Variants in ECHDC3 observed in about 807,000 individuals in gnomAD.
ECHDC3 encodes enoyl-CoA hydratase domain containing 3, also known as enoyl-CoA hydratase domain-containing protein 3, mitochondrial.
Under a neutral mutation model 17.9 loss-of-function variants are expected in ECHDC3, and 20 were observed. That is an observed-to-expected ratio of 1.12 (90% CI 0.79 to 1.63). The LOEUF is 1.63. Ranked by LOEUF, ECHDC3 falls within the 40% of genes most tolerant of loss-of-function variation. The pLI is 0.00. For missense variants in ECHDC3, 407 were observed against 357.7 expected, an observed-to-expected ratio of 1.14 and a Z score of -1.11; for synonymous variants, 177 against 149.7, an observed-to-expected ratio of 1.18 and a Z score of -1.33.
intron 3 of ECHDC3, among the ~76,000 whole-genome samples, chr10:11,754,000 C>T (rs2133791692): frequency 6.6e-6 from 1 of 152,150 alleles, no homozygotes; most frequent in African/African-American, 2.4e-5. Context: ...AGGCTGGTCT[C>T]AAACTCTTGA....
In ECHDC3 at chr10:11,763,098, T is replaced by C. The variant is rs1427807243; in HGVS notation, c.592-126T>C. The C allele has an allele frequency of 1.6e-6, 1 of 611,942 alleles. No homozygotes were observed. The highest frequency in any genetic ancestry group is 2.9e-6 in the Non-Finnish European group (1 of 340,424). 37.9% of individuals were successfully genotyped at this position (611,942 alleles called of 1,614,324 possible). On this transcript the variant is annotated intron_variant, in intron 4 of 4. Coordinates refer to ENST00000379215, the MANE Select transcript of ECHDC3 (RefSeq NM_024693.5). The surrounding 1 kb of genome is among the most constrained non-coding windows in gnomAD (Gnocchi z 4.9). ...TCCTCCCGGGCAGGAGTTAGGGCAC[T>C]GAAGACGTCAGGGCTGGCGGATGAC...
chr10:11,749,001 A>G (rs1023876640), intron 2 of ECHDC3, among the ~76,000 whole-genome samples: 1 of 152,194 alleles, frequency 6.6e-6, no homozygotes, highest in Non-Finnish European at 1.5e-5. Context: ...ATGATCCCTC[A>G]TCTGTAAAAT....
In ECHDC3 at chr10:11,755,352, C is replaced by T. The variant is rs1044970157; in HGVS notation, c.391-56C>T. The T allele has an allele frequency of 5.0e-6, 6 of 1,210,512 alleles. No homozygotes were observed. In the East Asian group the frequency reaches 7.4e-5, roughly 15 times the overall value. The allele number at this position is 1,210,512 out of a possible 1,614,324, so 75.0% of individuals were successfully genotyped here. A position where few individuals can be genotyped will look rare whatever the true frequency, so the allele number is the denominator to read the frequency against. On this transcript the variant is annotated intron_variant, in intron 3 of 4. Transcript: ENST00000379215. Reference sequence around the variant, plus strand: ...AAAAAAAAAAAAAAAAAGCAATAGGCGTTAATGTCGTGCCTCCCTCTGGGT... The same window carrying T: ...AAAAAAAAAAAAAAAAAGCAATAGGTGTTAATGTCGTGCCTCCCTCTGGGT...
At chr10:11,752,168 G>C (rs1391316463) in intron 3 of ECHDC3, 2 of 151,232 alleles carry the variant, frequency 1.3e-5, no homozygotes, top group Non-Finnish European at 2.9e-5. Flanking sequence ...CTGGATTACA[G>C]TGGCATGATC....
intron 3 of ECHDC3, among the ~76,000 whole-genome samples, chr10:11,750,086 G>A (rs999976891): frequency 3.9e-5 from 6 of 151,980 alleles, no homozygotes; most frequent in African/African-American, 7.3e-5. Context: ...ATGAGCCACC[G>A]TGCACAGCCT....
At chr10:11,749,306 T>G (rs1588462920) in intron 2 of ECHDC3, among the ~76,000 whole-genome samples, 189 bp from the exon 3 acceptor site, 1 of 152,228 alleles carries the variant, frequency 6.6e-6, no homozygotes, top group Non-Finnish European at 1.5e-5. Flanking sequence ...TCGCCTTGCA[T>G]TTTTCATCAC....
intron 3 of ECHDC3, among the ~76,000 whole-genome samples, chr10:11,753,835 C>T (rs1240741020): frequency 2.0e-5 from 3 of 152,060 alleles, no homozygotes; most frequent in South Asian, 2.1e-4. Flanking sequence ...AGTGCAATGG[C>T]GCGATCTCAG....
At position 11,755,558 on chromosome 10, in the gene ECHDC3, C is replaced by T. The variant is rs1832877605; in HGVS notation, c.541C>T (p.Leu181Phe). ...SFATPGVNVG[L>F]FCSTPGVALA... ...TGCCACTCCTGGGGTGAACGTCGGG[C>T]TCTTCTGTTCTACCCCTGGGGTTGC... is the stretch of plus-strand genomic sequence containing the variant. The change falls in exon 4 of 5, where the codon CTC (leucine) becomes TTC (phenylalanine). Residue 181 changes from leucine to phenylalanine, a missense_variant. Transcript: ENST00000379215. The T allele has an allele frequency of 7.4e-6, 12 of 1,613,918 alleles. No individual in the cohort carries two copies. Among genetic ancestry groups the T allele is most frequent in the Non-Finnish European group, 1.0e-5 (12 of 1,179,986 alleles).
At position 11,755,461 on chromosome 10, in the gene ECHDC3, C is replaced by CCTGG. The variant is rs761885193; in HGVS notation, c.446_449dup (p.Ala151GlyfsTer47). On this transcript the variant is annotated frameshift_variant, in exon 4 of 5. Coordinates refer to ENST00000379215, the MANE Select transcript of ECHDC3 (RefSeq NM_024693.5). LOFTEE classifies it high-confidence loss of function. ...TTCCCGTCATTGCCATGGTCAATGG[C>CCTGG]CTGGCCGCGGCTGCCGGCTGTCAAC... 120 of 1,613,892 alleles carry CCTGG rather than the reference C, an allele frequency of 7.4e-5. No homozygotes were observed. The highest frequency in any genetic ancestry group is 9.7e-5 in the Non-Finnish European group (115 of 1,180,006).
At chr10:11,759,097 T>TA (rs899305552) in intron 4 of ECHDC3, among the ~76,000 whole-genome samples, 1 of 152,194 alleles carries the variant, frequency 6.6e-6, no homozygotes, top group African/African-American at 2.4e-5. Flanking sequence ...CTCATGCCTG[T>TA]AATCCCAGCA....
chr10:11,752,585 T>G (rs143336217), intron 3 of ECHDC3, among the ~76,000 whole-genome samples: 4 of 152,300 alleles, frequency 2.6e-5, no homozygotes, highest in African/African-American at 9.6e-5. Flanking sequence ...TGAACCTGTT[T>G]TTCTAAATAA....
rs372377379 is a variant in ECHDC3, at chr10:11,747,484, A to G, written c.292+14A>G. ...TTATCATCTCGGGTATGTATCTGAT[A>G]TCTGTCCTTAGTATTCTGCAGTGCC... On this transcript the variant is annotated intron_variant, in intron 2 of 4. Transcript: ENST00000379215. 1.2e-6 allele frequency: 2 copies of G among 1,612,892 alleles called. No individual in the cohort carries two copies. The highest frequency in any genetic ancestry group is 1.7e-6 in the Non-Finnish European group (2 of 1,179,746).
rs1196350198 is a variant in ECHDC3, at chr10:11,763,172, CG to C, written c.592-47del. The C allele has an allele frequency of 7.3e-6, 5 of 687,704 alleles. No homozygotes were observed. The highest frequency in any genetic ancestry group is 6.9e-5 in the African/African-American group (4 of 57,568). The allele number at this position is 687,704 out of a possible 1,614,324, so 42.6% of individuals were successfully genotyped here. On this transcript the variant is annotated intron_variant, in intron 4 of 4. Transcript: ENST00000379215. The surrounding 1 kb of genome is among the most constrained non-coding windows in gnomAD (Gnocchi z 4.9). ...TTGAGCCGAGGCGGGACTCAGGTGG[CG>C]GGGGCGGGTCACAGGAGAGCACCTC...
At position 11,742,509 on chromosome 10, in the gene ECHDC3, T is replaced by C; in HGVS notation, c.-68T>C. 1 of 1,242,038 alleles carries C rather than the reference T, an allele frequency of 8.1e-7. No homozygotes were observed. The highest frequency in any genetic ancestry group is 1.0e-6 in the Non-Finnish European group (1 of 990,384). The allele number at this position is 1,242,038 out of a possible 1,614,324, so 76.9% of individuals were successfully genotyped here. On this transcript the variant is annotated 5_prime_UTR_variant, in exon 1 of 5. Transcript: ENST00000379215. ...CCCGGCCCTGCTCACAGCAGCGCCC[T>C]CGGAGCGCCCAGCACCTGCGGCCGG... is the stretch of plus-strand genomic sequence containing the variant.
intron 4 of ECHDC3, chr10:11,755,858 A>T: frequency 6.3e-6 from 3 of 473,418 alleles, no homozygotes; most frequent in South Asian, 6.2e-5. Flanking sequence ...CATTTCCATC[A>T]TGCGTACCCT....
chr10:11,758,294 C>T (rs1364248743), intron 4 of ECHDC3, among the ~76,000 whole-genome samples: 1 of 152,202 alleles, frequency 6.6e-6, no homozygotes, highest in South Asian at 2.1e-4. Context: ...CCCTGCCTGG[C>T]GCAGCTGCTC....
chr10:11,757,013 G>T (rs1487389719), intron 4 of ECHDC3, among the ~76,000 whole-genome samples: 1 of 152,214 alleles, frequency 6.6e-6, no homozygotes, highest in Non-Finnish European at 1.5e-5. Flanking sequence ...GGGATTACAG[G>T]CGTGAGCCGC....
chr10:11,756,149 A>G (rs1466474709), intron 4 of ECHDC3, among the ~76,000 whole-genome samples: 2 of 152,162 alleles, frequency 1.3e-5, no homozygotes, highest in East Asian at 3.9e-4. Flanking sequence ...AGGAACATGA[A>G]TCTCCTGTGC....
At chr10:11,749,448 G>A (rs768082307) in intron 2 of ECHDC3, 47 bp from the exon 3 acceptor site, 1 of 1,597,218 alleles carries the variant, frequency 6.3e-7, no homozygotes, top group Non-Finnish European at 8.6e-7. Context: ...CCAACTCTGG[G>A]TGTTTACATC....
Sources: gnomAD v4.1 joint callset for allele counts (sites outside exome capture counted in the v4.1 genomes callset) on GRCh38, gnomAD v4.1.1 for gene constraint, Gnocchi (gnomAD v3.1) non-coding constraint, MANE v1.5 for transcripts, NCBI Gene and HGNC (gene_info 2026-07-23, HGNC 2026-07-21) for gene names.